The following CPS1 variants were observed in gnomAD, a reference collection of about 807,000 sequenced individuals.
The protein encoded by CPS1 is carbamoyl-phosphate synthase [ammonia], mitochondrial.
A neutral mutation model predicts 174.6 loss-of-function variants in CPS1; 109 were observed. The observed-to-expected ratio is 0.62, with a 90% confidence interval of 0.53 to 0.73. The LOEUF is 0.73. Ranked by LOEUF, CPS1 falls within the 30% of genes least tolerant of loss-of-function variation. The pLI, the probability that CPS1 is intolerant of heterozygous loss-of-function variation, is 0.00. For synonymous variants in CPS1, 637 were observed against 632.0 expected, an observed-to-expected ratio of 1.01 and a Z score of -0.12; for missense variants, 1,689 against 1,821.9, an observed-to-expected ratio of 0.93 and a Z score of 1.33.
At chr2:210,477,745 G>C in exon 1 of CPS1, 1 of 1,613,198 alleles carries the variant, frequency 6.2e-7, no homozygotes, top group Non-Finnish European at 8.5e-7. Context: ...TCAAATTCAT[G>C]AAGATTTAGC....
intron 1 of CPS1, among the ~76,000 whole-genome samples, chr2:210,479,802 A>AT (rs200619506): frequency 6.6e-6 from 1 of 152,332 alleles, no homozygotes; most frequent in South Asian, 2.1e-4. Flanking sequence ...ATTTAGGATG[A>AT]TTTTTTAAAA....
At chr2:210,533,613 G>T (rs1696172215) in intron 1 of CPS1, among the ~76,000 whole-genome samples, 1 of 152,186 alleles carries the variant, frequency 6.6e-6, no homozygotes, top group South Asian at 2.1e-4. Context: ...ATTTGTACCA[G>T]TTGAAGCTGT....
chr2:210,541,567 C>G (rs1272196924), intron 1 of CPS1, among the ~76,000 whole-genome samples: 3 of 152,052 alleles, frequency 2.0e-5, no homozygotes, highest in Non-Finnish European at 2.9e-5. Context: ...ATTAAGCAAT[C>G]AGTGAAATGC....
Position 210,616,420 on chromosome 2 carries a change from C to A in CPS1, c.2569-3C>A, listed in dbSNP as rs1176994874. The A allele has an allele frequency of 6.3e-7, 1 of 1,593,526 alleles. No individual in the cohort carries two copies. Among genetic ancestry groups the A allele is most frequent in the Middle Eastern group, 1.7e-4 (1 of 6,014 alleles). On this transcript the variant is annotated splice_region_variant and splice_polypyrimidine_tract_variant and intron_variant, in intron 20 of 37. Coordinates refer to ENST00000233072, the MANE Select transcript of CPS1 (RefSeq NM_001875.5). ...AAGAAAGTATCTCTTCTCCTCTTGGCAGGCCATTGATGACAACATGTCCCT... is the reference window on the plus strand; with the variant it reads ...AAGAAAGTATCTCTTCTCCTCTTGGAAGGCCATTGATGACAACATGTCCCT...
chr2:210,676,423 A>G (rs1416879417), intron 36 of CPS1, among the ~76,000 whole-genome samples: 1 of 152,248 alleles, frequency 6.6e-6, no homozygotes, highest in Non-Finnish European at 1.5e-5. Flanking sequence ...ATAAGTACAT[A>G]GGAGATAATT....
At chr2:210,670,686 T>C (rs1055589957) in intron 34 of CPS1, among the ~76,000 whole-genome samples, 5 of 152,162 alleles carry the variant, frequency 3.3e-5, no homozygotes, top group African/African-American at 1.2e-4. Flanking sequence ...GGAAGGCATC[T>C]AGTTGAAGGT....
chr2:210,589,533 C>T (rs759644710), intron 7 of CPS1, among the ~76,000 whole-genome samples: 21 of 151,974 alleles, frequency 1.4e-4, no homozygotes, highest in Non-Finnish European at 2.8e-4. Flanking sequence ...TGCAACTGGT[C>T]GTGTGAAGGT....
At chr2:210,663,635 T>C (rs1033748781) in intron 33 of CPS1, among the ~76,000 whole-genome samples, 20 of 152,178 alleles carry the variant, frequency 1.3e-4, no homozygotes, top group Non-Finnish European at 5.9e-5. Flanking sequence ...TTGTGGAATC[T>C]GCAGATACAT....
intron 16 of CPS1, among the ~76,000 whole-genome samples, chr2:210,602,751 G>A (rs1010657876): frequency 6.6e-6 from 1 of 151,772 alleles, no homozygotes; most frequent in Admixed American, 6.6e-5. Context: ...GGCTGGCATG[G>A]GTGACATCCA....
chr2:210,571,723 G>C (rs1048690804), intron 1 of CPS1, among the ~76,000 whole-genome samples: 3 of 152,044 alleles, frequency 2.0e-5, no homozygotes, highest in Admixed American at 6.6e-5. Flanking sequence ...TCTACAGAGA[G>C]AATTATTATA....
In CPS1 at chr2:210,658,656, G is replaced by T. The variant is rs766236739; in HGVS notation, c.3724G>T (p.Val1242Phe). The T allele has an allele frequency of 6.2e-7, 1 of 1,613,846 alleles. No homozygotes were observed. Among genetic ancestry groups the T allele is most frequent in the Non-Finnish European group, 8.5e-7 (1 of 1,179,912 alleles). The change falls in exon 31 of 38, where the codon GTC (valine) becomes TTC (phenylalanine). Residue 1242 changes from valine (V) to phenylalanine (F), a missense_variant. Transcript: ENST00000233072. ...TTTTGCCATCTCTGGTCCATTCAAC[G>T]TCCAATTTCTTGTCAAAGGAAATGA... Reference protein sequence around the residue: ...KAFAISGPFNVQFLVKGNDVL... With the variant: ...KAFAISGPFNFQFLVKGNDVL...
chr2:210,667,489 A>G (rs1019211842), intron 33 of CPS1, among the ~76,000 whole-genome samples: 1 of 152,042 alleles, frequency 6.6e-6, no homozygotes, highest in Non-Finnish European at 1.5e-5. Flanking sequence ...ATTACCGTAA[A>G]CCTAAATGGA....
intron 33 of CPS1, among the ~76,000 whole-genome samples, chr2:210,664,358 G>A (rs773919273): frequency 3.3e-5 from 5 of 150,634 alleles, no homozygotes; most frequent in African/African-American, 7.3e-5. Flanking sequence ...TTTTTGAAAC[G>A]GAGTTTTGCT....
intron 15 of CPS1, among the ~76,000 whole-genome samples, chr2:210,601,725 A>G (rs1208517983): frequency 1.3e-5 from 2 of 151,966 alleles, no homozygotes; most frequent in East Asian, 3.9e-4. Flanking sequence ...TTCTGGGACT[A>G]TGCTCAGACT....
intron 1 of CPS1, among the ~76,000 whole-genome samples, chr2:210,565,560 G>A (rs1697274965): frequency 6.6e-6 from 1 of 152,152 alleles, no homozygotes; most frequent in Non-Finnish European, 1.5e-5. Context: ...CAAAAAGATG[G>A]AAATAATGTT....
intron 1 of CPS1, among the ~76,000 whole-genome samples, chr2:210,542,239 A>G (rs1403594966): frequency 6.6e-6 from 1 of 152,084 alleles, no homozygotes; most frequent in Non-Finnish European, 1.5e-5. Flanking sequence ...AGAATGGCTG[A>G]AGAAAACCAT....
At chr2:210,552,417 A>C (rs1696754944), upstream of CPS1, among the ~76,000 whole-genome samples, 1 of 152,036 alleles carries the variant, frequency 6.6e-6, no homozygotes, top group South Asian at 2.1e-4. Context: ...CCATTCATTC[A>C]GTCATTTTTC....
intron 33 of CPS1, among the ~76,000 whole-genome samples, chr2:210,666,981 C>T (rs1252303032): frequency 2.0e-5 from 3 of 152,026 alleles, no homozygotes; most frequent in Non-Finnish European, 4.4e-5. Flanking sequence ...CTTCCATTTG[C>T]TTGTATCCTC....
chr2:210,538,533 A>G (rs755038817), intron 1 of CPS1, among the ~76,000 whole-genome samples: 53 of 152,092 alleles, frequency 3.5e-4, no homozygotes, highest in Non-Finnish European at 6.0e-4. Flanking sequence ...CTTGTCTACA[A>G]TAGCAATTTC....
Sources: gnomAD v4.1 joint callset for allele counts (sites outside exome capture counted in the v4.1 genomes callset) on GRCh38, gnomAD v4.1.1 for gene constraint, MANE v1.5 for transcripts, NCBI Gene and HGNC (gene_info 2026-07-23, HGNC 2026-07-21) for gene names.